ADAMTSL1: variants seen among roughly 807,000 people sequenced by gnomAD.
ADAMTSL1 encodes the protein ADAMTS-like protein 1.
ADAMTSL1 carries 126 observed loss-of-function variants against 201.8 expected under a neutral mutation model. That is an observed-to-expected ratio of 0.62 (90% CI 0.54 to 0.72). The LOEUF (loss-of-function observed/expected upper bound fraction) is 0.72, where lower values mean the gene tolerates loss of function less well. Among genes scored for constraint, ADAMTSL1 ranks in the 30% least tolerant of loss-of-function variants. ADAMTSL1 has a pLI of 0.00. For synonymous variants in ADAMTSL1, 1,121 were observed against 903.4 expected, an observed-to-expected ratio of 1.24 and a Z score of -4.32; for missense variants, 2,679 against 2,277.8, an observed-to-expected ratio of 1.18 and a Z score of -3.59.
At chr9:18,148,999 A>G (rs934850496) in intron 1 of ADAMTSL1, among the ~76,000 whole-genome samples, 3 of 152,068 alleles carry the variant, frequency 2.0e-5, no homozygotes, top group Non-Finnish European at 4.4e-5. Context: ...ATTTTGTTTT[A>G]TGATTATTTG....
At chr9:18,646,053 CTT>C (rs1215285621) in intron 7 of ADAMTSL1, among the ~76,000 whole-genome samples, 1 of 152,048 alleles carries the variant, frequency 6.6e-6, no homozygotes, top group Non-Finnish European at 1.5e-5. Context: ...TTTGTATCCT[CTT>C]TTATTTCCTT....
chr9:17,981,712 C>G (rs1818707934), intron 1 of ADAMTSL1, among the ~76,000 whole-genome samples: 1 of 152,152 alleles, frequency 6.6e-6, no homozygotes, highest in South Asian at 2.1e-4. Context: ...TGGTATAAAT[C>G]TATTCAAGGT....
intron 3 of ADAMTSL1, among the ~76,000 whole-genome samples, chr9:18,533,604 G>T (rs1020884717): frequency 1.1e-4 from 17 of 152,296 alleles, no homozygotes; most frequent in African/African-American, 3.1e-4. Flanking sequence ...AGGGAAACCA[G>T]TTGGGGTATC....
At chr9:17,974,317 C>T (rs1186135493) in intron 1 of ADAMTSL1, among the ~76,000 whole-genome samples, 1 of 152,036 alleles carries the variant, frequency 6.6e-6, no homozygotes, top group African/African-American at 2.4e-5. Context: ...TCCCTGTTTG[C>T]ATATGACATG....
At chr9:18,646,532 C>T (rs74709208) in intron 7 of ADAMTSL1, among the ~76,000 whole-genome samples, 40,688 of 138,586 alleles carry the variant, frequency 0.29, 6,485 homozygotes, top group African/African-American at 0.39. Flanking sequence ...GGGTTTGTCA[C>T]AGATAGCTCT....
chr9:17,987,774 G>A (rs1044293887), intron 1 of ADAMTSL1, among the ~76,000 whole-genome samples: 35 of 151,982 alleles, frequency 2.3e-4, no homozygotes, highest in African/African-American at 8.2e-4. Flanking sequence ...AACCTTGGAA[G>A]ACTCAAGTTC....
At chr9:17,985,486 C>T (rs902330178) in intron 1 of ADAMTSL1, among the ~76,000 whole-genome samples, 16 of 151,918 alleles carry the variant, frequency 1.1e-4, no homozygotes, top group Non-Finnish European at 2.1e-4. Flanking sequence ...CTTTATAGTT[C>T]TGAGTACTAC....
chr9:18,721,217 T>C (rs534452), intron 14 of ADAMTSL1, among the ~76,000 whole-genome samples: 151,077 of 152,332 alleles, frequency 0.99, 74,929 homozygotes, highest in Middle Eastern at 1. Context: ...TGAAGTATCA[T>C]GTTCCAGCAT....
intron 1 of ADAMTSL1, among the ~76,000 whole-genome samples, chr9:18,074,497 TTTTCTTTTCTTTTC>T (rs1823111240): frequency 2.5e-5 from 2 of 79,032 alleles, no homozygotes; most frequent in South Asian, 7.7e-4. Context: ...TTTTCTTTTC[TTTTCTTTTCTTTTC>T]TTCTTTTCTT....
intron 16 of ADAMTSL1, among the ~76,000 whole-genome samples, chr9:18,767,269 T>G (rs577362979): frequency 2.0e-5 from 3 of 152,356 alleles, no homozygotes; most frequent in African/African-American, 7.2e-5. Context: ...CAAACTTGTT[T>G]CTTTCCAACA....
At chr9:18,417,447 T>C (rs868116177) in intron 2 of ADAMTSL1, among the ~76,000 whole-genome samples, 1 of 127,748 alleles carries the variant, frequency 7.8e-6, no homozygotes, top group Non-Finnish European at 1.7e-5. Context: ...AAAAAATCAA[T>C]AAAAATAAAA....
chr9:18,891,954 TCACATCACCTC>T (rs1829301703), intron 25 of ADAMTSL1, among the ~76,000 whole-genome samples: 1 of 152,210 alleles, frequency 6.6e-6, no homozygotes. Context: ...ATCAGGAGGA[TCACATCACCTC>T]CAAATCACCT....
chr9:18,425,034 A>G (rs1819143431), intron 2 of ADAMTSL1, among the ~76,000 whole-genome samples: 1 of 152,220 alleles, frequency 6.6e-6, no homozygotes, highest in Admixed American at 6.5e-5. Flanking sequence ...GAAGTCGTAC[A>G]ATGTTTACAA....
chr9:18,261,670 C>G (rs1276454686), intron 2 of ADAMTSL1, among the ~76,000 whole-genome samples: 1 of 152,178 alleles, frequency 6.6e-6, no homozygotes, highest in African/African-American at 2.4e-5. Context: ...TTTATCAATA[C>G]GTAGCCATTC....
chr9:18,375,009 G>A (rs187688185), intron 2 of ADAMTSL1, among the ~76,000 whole-genome samples: 16 of 152,336 alleles, frequency 1.1e-4, no homozygotes, highest in African/African-American at 3.6e-4. Context: ...ACTGGCATGG[G>A]TACCTTCGGT....
At chr9:18,849,321 T>C (rs1417287526) in intron 23 of ADAMTSL1, among the ~76,000 whole-genome samples, 1 of 152,170 alleles carries the variant, frequency 6.6e-6, no homozygotes, top group Non-Finnish European at 1.5e-5. Context: ...CACCCGCACA[T>C]TTCCTATAGC....
intron 1 of ADAMTSL1, among the ~76,000 whole-genome samples, chr9:18,002,424 G>T (rs1193455278): frequency 2.0e-5 from 3 of 151,994 alleles, no homozygotes; most frequent in Non-Finnish European, 4.4e-5. Flanking sequence ...ACCTTAAAGG[G>T]CTATGATAGA....
intron 4 of ADAMTSL1, among the ~76,000 whole-genome samples, chr9:18,577,762 A>G (rs961382345): frequency 3.3e-5 from 5 of 152,188 alleles, no homozygotes; most frequent in African/African-American, 1.2e-4. Flanking sequence ...TAACGTTTCA[A>G]AAAACTTCCC....
At chr9:18,176,593 G>T (rs1828170854) in intron 2 of ADAMTSL1, among the ~76,000 whole-genome samples, 1 of 152,072 alleles carries the variant, frequency 6.6e-6, no homozygotes, top group Non-Finnish European at 1.5e-5. Context: ...TTTTTCCAGG[G>T]TCACAAAGAT....
Sources: allele counts gnomAD v4.1 joint callset (sites outside exome capture counted in the v4.1 genomes callset), GRCh38; gene constraint gnomAD v4.1.1; transcripts MANE v1.5; gene names NCBI Gene and HGNC (gene_info 2026-07-23, HGNC 2026-07-21).